Variants in KHDRBS2 observed in about 807,000 individuals in gnomAD.
KHDRBS2 encodes KH RNA binding domain containing, signal transduction associated 2.
A neutral mutation model predicts 44.3 loss-of-function variants in KHDRBS2; 26 were observed. The observed-to-expected ratio is 0.59, with a 90% CI of 0.43 to 0.81. The LOEUF (loss-of-function observed/expected upper bound fraction) is 0.81, where lower values mean the gene tolerates loss of function less well. Among genes scored for constraint, KHDRBS2 ranks in the 40% least tolerant of loss-of-function variants. The pLI is 0.00. For synonymous variants in KHDRBS2, 194 were observed against 151.1 expected (o/e 1.28, Z -2.08); for missense variants, 476 against 433.1 (o/e 1.10, Z -0.88).
chr6:61,969,279 C>G (rs901944541), intron 4 of KHDRBS2, among the ~76,000 whole-genome samples: 4 of 151,982 alleles, frequency 2.6e-5, no homozygotes, highest in African/African-American at 9.7e-5. Context: ...CATCTAGGTT[C>G]TAGAGAAAAG....
intron 7 of KHDRBS2, among the ~76,000 whole-genome samples, chr6:61,700,686 C>A (rs1265237043): frequency 3.3e-5 from 5 of 150,698 alleles, no homozygotes; most frequent in African/African-American, 9.8e-5. Flanking sequence ...AAATTAAGAT[C>A]CTTTCCCGTT....
chr6:62,128,131 G>A (rs1809406284), intron 2 of KHDRBS2, among the ~76,000 whole-genome samples: 1 of 152,026 alleles, frequency 6.6e-6, no homozygotes, highest in Non-Finnish European at 1.5e-5. Context: ...GTATCACAAG[G>A]CAGAGACTAT....
chr6:62,267,317 C>G (rs1201711066), intron 1 of KHDRBS2, among the ~76,000 whole-genome samples: 1 of 151,998 alleles, frequency 6.6e-6, no homozygotes, highest in African/African-American at 2.4e-5. Flanking sequence ...AAGATTAGAC[C>G]TACAGCTCCA....
At chr6:62,089,579 G>A (rs1406963348) in intron 2 of KHDRBS2, among the ~76,000 whole-genome samples, 4 of 151,962 alleles carry the variant, frequency 2.6e-5, no homozygotes, top group Non-Finnish European at 4.4e-5. Context: ...CAGTCCCAAT[G>A]AGATGAACCG....
chr6:62,285,094 C>T (rs1011441294), intron 1 of KHDRBS2, among the ~76,000 whole-genome samples: 1 of 151,944 alleles, frequency 6.6e-6, no homozygotes, highest in African/African-American at 2.4e-5. Flanking sequence ...TGGAGTAATT[C>T]GGTTAATAAA....
At chr6:61,557,298 G>A in the KHDRBS2 span, among the ~76,000 whole-genome samples, 5 of 152,084 alleles carry the variant, frequency 3.3e-5, no homozygotes, top group African/African-American at 1.2e-4. Flanking sequence ...CAGTATAATA[G>A]CATAAAGTTC....
chr6:61,650,919 T>C, the KHDRBS2 span, among the ~76,000 whole-genome samples: 1 of 152,112 alleles, frequency 6.6e-6, no homozygotes, highest in Non-Finnish European at 1.5e-5. Context: ...CTTTCTACCA[T>C]GCTGTTTTAC....
At chr6:61,601,627 C>T in the KHDRBS2 span, among the ~76,000 whole-genome samples, 1 of 152,014 alleles carries the variant, frequency 6.6e-6, no homozygotes, top group Non-Finnish European at 1.5e-5. Flanking sequence ...CAACTCATCC[C>T]AAATCCTCCT....
chr6:61,716,728 T>C (rs1771494857), intron 7 of KHDRBS2, among the ~76,000 whole-genome samples: 1 of 152,076 alleles, frequency 6.6e-6, no homozygotes, highest in African/African-American at 2.4e-5. Flanking sequence ...AAATATGTTA[T>C]TCATATGTTA....
chr6:62,249,483 A>G (rs1836164023), intron 1 of KHDRBS2, among the ~76,000 whole-genome samples: 2 of 152,074 alleles, frequency 1.3e-5, no homozygotes, highest in Non-Finnish European at 2.9e-5. Context: ...TCTTGTCTAG[A>G]TAATTATATA....
chr6:61,776,173 A>G (rs1161021317), intron 6 of KHDRBS2, among the ~76,000 whole-genome samples: 1 of 152,182 alleles, frequency 6.6e-6, no homozygotes, highest in Non-Finnish European at 1.5e-5. Flanking sequence ...TGTTAGACCT[A>G]AAACCATAAA....
At chr6:62,056,788 T>A (rs1452537102) in intron 2 of KHDRBS2, among the ~76,000 whole-genome samples, 4 of 151,968 alleles carry the variant, frequency 2.6e-5, no homozygotes, top group Non-Finnish European at 4.4e-5. Context: ...TGCTTAAGAC[T>A]ATGAAAAGAG....
At chr6:62,045,999 C>G (rs78915553) in intron 3 of KHDRBS2, among the ~76,000 whole-genome samples, 2,118 of 149,106 alleles carry the variant, frequency 0.014, 142 homozygotes, top group Admixed American at 0.11. Flanking sequence ...TATCTTAATT[C>G]TAAAAAATAT....
At chr6:61,614,632 C>A in the KHDRBS2 span, among the ~76,000 whole-genome samples, 1 of 152,084 alleles carries the variant, frequency 6.6e-6, no homozygotes, top group Admixed American at 6.6e-5. Context: ...AAATGGAGTT[C>A]AGTTAGTCCA....
chr6:61,771,027 A>G (rs900839100), intron 6 of KHDRBS2, among the ~76,000 whole-genome samples: 37 of 152,216 alleles, frequency 2.4e-4, no homozygotes, highest in African/African-American at 8.7e-4. Flanking sequence ...GTGGGGGCCA[A>G]TATTCAACAT....
intron 2 of KHDRBS2, among the ~76,000 whole-genome samples, chr6:62,077,029 C>G (rs1218071403): frequency 1.3e-5 from 2 of 151,908 alleles, no homozygotes; most frequent in Non-Finnish European, 2.9e-5. Flanking sequence ...CTGGGCAACA[C>G]AGCAAGATCC....
At chr6:62,000,474 C>T (rs150012861) in intron 3 of KHDRBS2, among the ~76,000 whole-genome samples, 41 of 152,156 alleles carry the variant, frequency 2.7e-4, no homozygotes, top group African/African-American at 9.9e-4. Flanking sequence ...ATGAGATCTA[C>T]AATTAAACTG....
chr6:61,816,884 C>G (rs1011800415), intron 6 of KHDRBS2: 55 of 452,350 alleles, frequency 1.2e-4, no homozygotes, highest in African/African-American at 1.0e-3. Context: ...AAACCATACA[C>G]TTTTACAATT....
intron 2 of KHDRBS2, among the ~76,000 whole-genome samples, chr6:62,119,099 G>C (rs1482903693): frequency 2.0e-5 from 3 of 152,084 alleles, no homozygotes; most frequent in Non-Finnish European, 2.9e-5. Context: ...TCTTTAGTTG[G>C]TTTTGGGGTT....
Sources: allele counts gnomAD v4.1 joint callset (sites outside exome capture counted in the v4.1 genomes callset), GRCh38; gene constraint gnomAD v4.1.1; transcripts MANE v1.5; gene names NCBI Gene and HGNC (gene_info 2026-07-23, HGNC 2026-07-21).